Variants in DSCAML1 observed in about 807,000 individuals in gnomAD.
DSCAML1 encodes DS cell adhesion molecule like 1.
Under a neutral mutation model 200.5 loss-of-function variants are expected in DSCAML1, and 38 were observed. The ratio of observed to expected loss-of-function variants is 0.19; its 90% CI spans 0.15 to 0.25. The LOEUF is 0.25. Among genes scored for constraint, DSCAML1 ranks in the 10% least tolerant of loss-of-function variants. The pLI, the probability that DSCAML1 is intolerant of heterozygous loss-of-function variation, is 1.00. For missense variants in DSCAML1, 2,223 were observed against 2,858.8 expected, an observed-to-expected ratio of 0.78 and a Z score of 5.07; for synonymous variants, 1,215 against 1,165.0, an observed-to-expected ratio of 1.04 and a Z score of -0.87.
intron 3 of DSCAML1, among the ~76,000 whole-genome samples, chr11:117,761,785 C>G (rs1014354826): frequency 6.6e-6 from 1 of 152,166 alleles, no homozygotes; most frequent in Non-Finnish European, 1.5e-5. Context: ...GCAGGAGGAT[C>G]CCTTGAGCAT....
chr11:117,464,955 G>A lies in DSCAML1; in HGVS notation c.3252C>T (p.Thr1084=). 2 of 1,614,030 alleles carry A rather than the reference G, an allele frequency of 1.2e-6. No homozygotes were observed. The highest frequency in any genetic ancestry group is 1.7e-6 in the Non-Finnish European group (2 of 1,179,998). The change falls in exon 17 of 33, where the codon ACC becomes ACT. Residue 1084 remains threonine (T), a synonymous_variant. Transcript: ENST00000651296. ...TGGGGCCCTCACCATCCTCCAGAGT[G>A]GTGGCATTGATCTCGCTGGAAGAGG... The part of the protein sequence containing the change: ...TGPSSSEINA[T]TLEDVPSQPP...
intron 21 of DSCAML1, among the ~76,000 whole-genome samples, chr11:117,442,181 T>TCG (rs2048070076): frequency 6.8e-6 from 1 of 146,228 alleles, no homozygotes; most frequent in African/African-American, 2.6e-5. Context: ...GTAGTGTGTA[T>TCG]AGTGTGTATG....
intron 16 of DSCAML1, among the ~76,000 whole-genome samples, chr11:117,467,762 T>C (rs909098133): frequency 2.0e-5 from 3 of 152,170 alleles, no homozygotes; most frequent in African/African-American, 7.2e-5. Context: ...TGTATGTCTA[T>C]GCACACACAC....
At chr11:117,527,463 TG>T (rs2049997420) in intron 4 of DSCAML1, among the ~76,000 whole-genome samples, 1 of 152,160 alleles carries the variant, frequency 6.6e-6, no homozygotes, top group Non-Finnish European at 1.5e-5. Flanking sequence ...GGAGGATGAA[TG>T]GGGCACTCAG....
chr11:117,537,478 G>C (rs529603205), intron 3 of DSCAML1, among the ~76,000 whole-genome samples: 48 of 152,348 alleles, frequency 3.2e-4, no homozygotes, highest in Admixed American at 2.4e-3. Flanking sequence ...GAAAGCCCAG[G>C]GTGGGGATAT....
At chr11:117,749,214 G>C (rs989473072) in intron 3 of DSCAML1, among the ~76,000 whole-genome samples, 1 of 152,214 alleles carries the variant, frequency 6.6e-6, no homozygotes, top group Admixed American at 6.5e-5. Context: ...GAGCCGGGAC[G>C]AGGGTTTGGA....
rs1158409957 is a variant in DSCAML1, at chr11:117,437,072, C to T, written c.4720+50G>A. ...TCTGCCACTCTGCCCACTTCCTTCGCACCACCCTGCTCCAGCCTCTGTACC... is the reference window on the plus strand; with the variant it reads ...TCTGCCACTCTGCCCACTTCCTTCGTACCACCCTGCTCCAGCCTCTGTACC... On this transcript the variant is annotated intron_variant, in intron 26 of 32. Transcript: ENST00000651296. This position sits in a 1 kb window ranked among gnomAD's most constrained non-coding sequence, Gnocchi z 5.3. 6.4e-7 allele frequency: 1 copy of T among 1,568,220 alleles called. No homozygotes were observed. The highest frequency in any genetic ancestry group is 1.2e-5 in the South Asian group (1 of 85,016).
intron 4 of DSCAML1, among the ~76,000 whole-genome samples, chr11:117,527,427 C>T (rs1032604201): frequency 1.3e-5 from 2 of 152,286 alleles, no homozygotes; most frequent in Middle Eastern, 3.4e-3. Context: ...TGTATCTCCC[C>T]AGGCTGCTGA....
chr11:117,450,552 C>A lies in DSCAML1; in HGVS notation c.3705G>T (p.Gln1235His). 1 of 1,613,892 alleles carries A rather than the reference C, an allele frequency of 6.2e-7. No individual in the cohort carries two copies. The change falls in exon 20 of 33, where the codon CAG (glutamine) becomes CAT (histidine). Residue 1235 changes from glutamine (Q) to histidine (H), a missense_variant. Physicochemically the swap from Gln to His is conservative, Grantham distance 24 (BLOSUM62 0). Around this residue, in one of 7 missense-constraint regions of DSCAML1, gnomAD observed 614 missense variants for 739.1 expected, o/e 0.83. Coordinates refer to ENST00000651296, the MANE Select transcript of DSCAML1 (RefSeq NM_020693.4). ...TIFCSSPGSG[Q>H]PAPSEYETSP... ...ATCTGGCCCTGAACTCACTTACCGG[C>A]TGGCCAGACCCGGGGCTGGAACAGA...
At chr11:117,468,818 G>C (rs116783068) in intron 16 of DSCAML1, among the ~76,000 whole-genome samples, 372 of 152,292 alleles carry the variant, frequency 2.4e-3, no homozygotes, top group African/African-American at 8.6e-3. Flanking sequence ...AATATCACTA[G>C]GTCCTTCTGA....
intron 8 of DSCAML1, among the ~76,000 whole-genome samples, chr11:117,511,569 A>G (rs2049618096): frequency 6.6e-6 from 1 of 152,116 alleles, no homozygotes; most frequent in Non-Finnish European, 1.5e-5. Flanking sequence ...ATGACCAGAG[A>G]CAAATACCAG....
intron 1 of DSCAML1, among the ~76,000 whole-genome samples, chr11:117,815,516 A>G (rs1187169720): frequency 2.0e-5 from 3 of 152,118 alleles, no homozygotes; most frequent in Non-Finnish European, 2.9e-5. Flanking sequence ...CCTGCTCACC[A>G]GGGGGAATTC....
intron 3 of DSCAML1, among the ~76,000 whole-genome samples, chr11:117,549,427 T>A (rs142228944): frequency 2.0e-4 from 31 of 152,380 alleles, no homozygotes; most frequent in African/African-American, 7.5e-4. Context: ...TTGGCTACTC[T>A]GCCTCAGTGG....
At chr11:117,718,862 C>G (rs2054000882) in intron 3 of DSCAML1, among the ~76,000 whole-genome samples, 1 of 152,154 alleles carries the variant, frequency 6.6e-6, no homozygotes, top group Non-Finnish European at 1.5e-5. Flanking sequence ...GGTCAGCAAA[C>G]TTTTTCTGCA....
At chr11:117,447,290 A>G (rs560075339) in intron 20 of DSCAML1, among the ~76,000 whole-genome samples, 1 of 152,356 alleles carries the variant, frequency 6.6e-6, no homozygotes, top group African/African-American at 2.4e-5. Flanking sequence ...TCCGTCACAT[A>G]CACACGAAAA....
At chr11:117,811,234 C>T (rs533126494) in intron 1 of DSCAML1, among the ~76,000 whole-genome samples, 2 of 152,314 alleles carry the variant, frequency 1.3e-5, no homozygotes, top group South Asian at 4.1e-4. Context: ...GTTCATGGCT[C>T]GTTCGGCAGC....
At chr11:117,733,000 GA>G (rs2054251017) in intron 3 of DSCAML1, among the ~76,000 whole-genome samples, 1 of 152,070 alleles carries the variant, frequency 6.6e-6, no homozygotes, top group South Asian at 2.1e-4. Context: ...TAAATAAAAT[GA>G]AGCAATTATT....
chr11:117,686,105 C>A (rs577764144), intron 3 of DSCAML1, among the ~76,000 whole-genome samples: 5 of 152,306 alleles, frequency 3.3e-5, no homozygotes, highest in African/African-American at 1.2e-4. Flanking sequence ...CTCCCCACTA[C>A]AGGAGCCCCA....
chr11:117,576,640 C>T (rs2050936999), intron 3 of DSCAML1, among the ~76,000 whole-genome samples: 1 of 151,954 alleles, frequency 6.6e-6, no homozygotes, highest in African/African-American at 2.4e-5. Context: ...GGCCCTGCCA[C>T]CCCTTCCTGA....
Sources: allele counts gnomAD v4.1 joint callset (sites outside exome capture counted in the v4.1 genomes callset), GRCh38; gene constraint gnomAD v4.1.1; regional missense constraint gnomAD v4.1.1; non-coding constraint Gnocchi (gnomAD v3.1); transcripts MANE v1.5; gene names NCBI Gene and HGNC (gene_info 2026-07-23, HGNC 2026-07-21).